ANKRD20A1: variants seen among roughly 807,000 people sequenced by gnomAD.
The protein encoded by ANKRD20A1 is ankyrin repeat domain 20 family member A1, also known as ankyrin repeat domain-containing protein 20A1.
A neutral mutation model predicts 50.9 loss-of-function variants in ANKRD20A1; 2 were observed. The ratio of observed to expected loss-of-function variants is 0.04; its 90% CI spans 0.02 to 0.12. The LOEUF (loss-of-function observed/expected upper bound fraction) is 0.12, where lower values mean the gene tolerates loss of function less well. ANKRD20A1 is among the 10% of genes least tolerant of loss of function. The pLI is 1.00. For missense variants in ANKRD20A1, 31 were observed against 548.1 expected, an observed-to-expected ratio of 0.06 and a Z score of 9.42; for synonymous variants, 10 against 186.2, an observed-to-expected ratio of 0.05 and a Z score of 7.70.
chr9:67,894,711 A>G (rs1827991028), intron 12 of ANKRD20A1, among the ~76,000 whole-genome samples: 1 of 79,780 alleles, frequency 1.3e-5, no homozygotes, highest in Non-Finnish European at 2.7e-5. Flanking sequence ...TCTGACAGAA[A>G]AGGCATCTGA....
intron 8 of ANKRD20A1, among the ~76,000 whole-genome samples, chr9:67,883,098 C>T (rs1335642684): frequency 1.3e-4 from 19 of 151,066 alleles, no homozygotes; most frequent in Admixed American, 6.0e-4. Context: ...AGTAAACATA[C>T]GTGTGCATGT....
At chr9:67,882,794 GC>G (rs1827821080) in intron 8 of ANKRD20A1, among the ~76,000 whole-genome samples, 1 of 147,834 alleles carries the variant, frequency 6.8e-6, no homozygotes, top group African/African-American at 2.5e-5. Flanking sequence ...CCCCTTGTCC[GC>G]CCCACGACAG....
Position 67,863,690 on chromosome 9 carries a change from A to C in ANKRD20A1, c.492+299A>C, listed in dbSNP as rs1423889647. 4.4e-4 allele frequency among the ~76,000 whole-genome samples: 16 copies of C among 36,398 alleles called. 6 individuals carry two copies. In the East Asian group the frequency reaches 7.4e-3, roughly 17 times the overall value. The allele number at this position is 36,398 out of a possible 152,430, so 23.9% of individuals were successfully genotyped here. A position where few individuals can be genotyped will look rare whatever the true frequency, so the allele number is the denominator to read the frequency against. ...TTTTTTTTTTTCTTAATTAGTGTAAAACAACACAGGAAATAAAATATTCCC... is the reference window on the plus strand; with the variant it reads ...TTTTTTTTTTTCTTAATTAGTGTAACACAACACAGGAAATAAAATATTCCC... On this transcript the variant is annotated intron_variant, in intron 3 of 14. Coordinates refer to ENST00000562196, the MANE Select transcript of ANKRD20A1 (RefSeq NM_032250.5).
chr9:67,866,213 AT>A, intron 3 of ANKRD20A1, among the ~76,000 whole-genome samples: 1 of 144,244 alleles, frequency 6.9e-6, no homozygotes, highest in East Asian at 2.4e-4. Flanking sequence ...ATAAAAAATA[AT>A]TTTAAGTAGC....
chr9:67,898,579 A>G (rs28693509), intron 13 of ANKRD20A1, among the ~76,000 whole-genome samples: 2 of 93,862 alleles, frequency 2.1e-5, no homozygotes, highest in African/African-American at 6.4e-5. Flanking sequence ...TAAGAAAGAA[A>G]TATAAAAAGT....
At chr9:67,868,877 CTTTTTT>C (rs1338603353) in intron 5 of ANKRD20A1, among the ~76,000 whole-genome samples, 1 of 67,808 alleles carries the variant, frequency 1.5e-5, no homozygotes, top group African/African-American at 4.5e-5. Flanking sequence ...CTTTCCTTTC[CTTTTTT>C]TTTTTTTTTT....
intron 11 of ANKRD20A1, among the ~76,000 whole-genome samples, chr9:67,889,645 A>G (rs1277767330): frequency 2.5e-5 from 1 of 40,278 alleles, no homozygotes; most frequent in African/African-American, 8.2e-5. Flanking sequence ...AGTTAATAGC[A>G]ATTACAGGAC....
intron 8 of ANKRD20A1, among the ~76,000 whole-genome samples, chr9:67,881,086 T>G (rs1827786128): frequency 6.6e-6 from 1 of 150,484 alleles, no homozygotes; most frequent in South Asian, 2.1e-4. Context: ...CTACTTATAT[T>G]ATTGGTTCTG....
At chr9:67,884,814 C>T (rs1318087592) in intron 9 of ANKRD20A1, among the ~76,000 whole-genome samples, 31 of 151,154 alleles carry the variant, frequency 2.1e-4, no homozygotes, top group Non-Finnish European at 2.7e-4. Flanking sequence ...GGCTTGAACC[C>T]GGGAGGCGGG....
At chr9:67,884,757 G>T (rs1827849968) in intron 9 of ANKRD20A1, among the ~76,000 whole-genome samples, 187 bp downstream of exon 9, 2 of 150,812 alleles carry the variant, frequency 1.3e-5, no homozygotes, top group African/African-American at 4.8e-5. Flanking sequence ...AGGTGTTGTT[G>T]TGGGCGCCTG....
intron 9 of ANKRD20A1, among the ~76,000 whole-genome samples, chr9:67,885,420 A>T (rs544435234): frequency 3.0e-4 from 45 of 152,312 alleles, no homozygotes; most frequent in African/African-American, 9.9e-4. Flanking sequence ...TGTTTTATCT[A>T]CCATAGATGA....
intron 6 of ANKRD20A1, among the ~76,000 whole-genome samples, chr9:67,877,515 AAAC>A (rs58063780): frequency 2.6e-5 from 4 of 151,324 alleles, no homozygotes; most frequent in African/African-American, 4.8e-5. Flanking sequence ...ACCAAAACAA[AAAC>A]AACAACAACA....
At chr9:67,882,810 C>T (rs1290323079) in intron 8 of ANKRD20A1, among the ~76,000 whole-genome samples, 44 of 149,544 alleles carry the variant, frequency 2.9e-4, no homozygotes, top group African/African-American at 6.6e-4. Flanking sequence ...CGACAGGCCC[C>T]AGTGTGTGAT....
At chr9:67,882,771 A>G (rs1827820735) in intron 8 of ANKRD20A1, among the ~76,000 whole-genome samples, 2 of 145,614 alleles carry the variant, frequency 1.4e-5, no homozygotes, top group East Asian at 2.3e-4. Flanking sequence ...ATATCTCCTA[A>G]TGCTATCCCT....
intron 8 of ANKRD20A1, among the ~76,000 whole-genome samples, chr9:67,881,083 T>C (rs1250602219): frequency 2.0e-5 from 3 of 150,414 alleles, no homozygotes; most frequent in African/African-American, 7.3e-5. Flanking sequence ...TTTCTACTTA[T>C]ATTATTGGTT....
chr9:67,884,506 G>A lies in ANKRD20A1; in HGVS notation c.915G>A (p.Val305=). The A allele has an allele frequency of 1.3e-6, 2 of 1,590,344 alleles. No individual in the cohort carries two copies. The highest frequency in any genetic ancestry group is 1.7e-6 in the Non-Finnish European group (2 of 1,177,698). The change falls in exon 9 of 15, where the codon GTG becomes GTA. Residue 305 remains valine, a synonymous_variant. Transcript: ENST00000562196. The part of the protein sequence containing the change: ...VATKQCVPEK[V]SEPLPGSSHE... ...CTTAGCAGTGTGTCCCCGAGAAAGTGTCAGAGCCTTTACCTGGATCTTCGC... is the reference window on the plus strand; with the variant it reads ...CTTAGCAGTGTGTCCCCGAGAAAGTATCAGAGCCTTTACCTGGATCTTCGC...
chr9:67,885,574 A>C, intron 9 of ANKRD20A1, among the ~76,000 whole-genome samples: 1 of 152,312 alleles, frequency 6.6e-6, no homozygotes, highest in Admixed American at 6.5e-5. Flanking sequence ...TAATTCGAGA[A>C]GTTATTGCCT....
In ANKRD20A1 at chr9:67,861,615, A is replaced by G. The variant is rs2131547683; in HGVS notation, c.204-1326A>G. ...CACCTGCACAAGCTGAGAGATTTAA[A>G]ATAGGAATATTGGGACTTAATCTCC... On this transcript the variant is annotated intron_variant, in intron 1 of 14. Coordinates refer to ENST00000562196, the MANE Select transcript of ANKRD20A1 (RefSeq NM_032250.5). Among the ~76,000 whole-genome samples, 2 of 46,496 alleles carry G rather than the reference A, an allele frequency of 4.3e-5. 1 individual carries two copies. The highest frequency in any genetic ancestry group is 8.4e-4 in the East Asian group (2 of 2,394). The allele number at this position is 46,496 out of a possible 152,430, so 30.5% of individuals were successfully genotyped here. A position where few individuals can be genotyped will look rare whatever the true frequency, so the allele number is the denominator to read the frequency against.
In ANKRD20A1 at chr9:67,891,984, AGGCCGGGTTGCAGTG is replaced by A. The variant is rs1827951512; in HGVS notation, c.1082-1451_1082-1437del. On this transcript the variant is annotated intron_variant, in intron 11 of 14. Coordinates refer to ENST00000562196, the MANE Select transcript of ANKRD20A1 (RefSeq NM_032250.5). ...GGCAGGAGAATTACTTGAACCTGGG[AGGCCGGGTTGCAGTG>A]AGCCAAGATCATGCCACTGCACTCC... Among the ~76,000 whole-genome samples, 3 of 39,388 alleles carry A rather than the reference AGGCCGGGTTGCAGTG, an allele frequency of 7.6e-5. 1 individual carries two copies. Among genetic ancestry groups the A allele is most frequent in the African/African-American group, 2.4e-4 (3 of 12,480 alleles). 25.8% of individuals were successfully genotyped at this position (39,388 alleles called of 152,430 possible). A position where few individuals can be genotyped will look rare whatever the true frequency, so the allele number is the denominator to read the frequency against.
Sources: gnomAD v4.1 joint callset for allele counts (sites outside exome capture counted in the v4.1 genomes callset) on GRCh38, gnomAD v4.1.1 for gene constraint, MANE v1.5 for transcripts, NCBI Gene and HGNC (gene_info 2026-07-23, HGNC 2026-07-21) for gene names.